SHANK2: variants seen among roughly 807,000 people sequenced by gnomAD.
SHANK2 encodes SH3 and multiple ankyrin repeat domains protein 2.
Under a neutral mutation model 133.7 loss-of-function variants are expected in SHANK2, and 43 were observed. The observed-to-expected ratio is 0.32, with a 90% confidence interval of 0.25 to 0.41. The LOEUF (loss-of-function observed/expected upper bound fraction) is 0.41, where lower values mean the gene tolerates loss of function less well. Among genes scored for constraint, SHANK2 ranks in the 10% least tolerant of loss-of-function variants. The pLI is 1.00. For missense variants in SHANK2, 1,994 were observed against 2,235.8 expected (o/e 0.89, Z 2.18); for synonymous variants, 1,017 against 952.8 (o/e 1.07, Z -1.24).
chr11:70,819,439 C>A (rs1485179197), intron 12 of SHANK2, among the ~76,000 whole-genome samples: 2 of 152,234 alleles, frequency 1.3e-5, no homozygotes, highest in Non-Finnish European at 2.9e-5. Flanking sequence ...GCACCTGGGG[C>A]CCCGACAATG....
Position 71,222,336 on chromosome 11 carries a change from C to T in SHANK2, c.-13+2361G>A, listed in dbSNP as rs143091028. Reference sequence around the variant, plus strand: ...TTCTCTCCTTCCCATTAATCGCAGCCGCCAGGGTTGCAGGGTTGCAGGGCT... The same window carrying T: ...TTCTCTCCTTCCCATTAATCGCAGCTGCCAGGGTTGCAGGGTTGCAGGGCT... On this transcript the variant is annotated intron_variant, in intron 2 of 25. Transcript: ENST00000601538. Among the ~76,000 whole-genome samples, 806 of 152,316 alleles carry T rather than the reference C, an allele frequency of 5.3e-3. 17 individuals carry two copies. The highest frequency in any genetic ancestry group is 0.019 in the African/African-American group (782 of 41,576).
chr11:71,216,741 G>A (rs891538406), intron 2 of SHANK2, among the ~76,000 whole-genome samples: 3 of 152,250 alleles, frequency 2.0e-5, no homozygotes, highest in South Asian at 2.1e-4. Flanking sequence ...TTCCTCACGC[G>A]TCTGTGATGC....
At chr11:71,101,865 C>T (rs139550311) in intron 6 of SHANK2, among the ~76,000 whole-genome samples, 290 of 152,246 alleles carry the variant, frequency 1.9e-3, no homozygotes, top group African/African-American at 6.4e-3. Flanking sequence ...AGTTGGGGGG[C>T]GGCCGAATGG....
At chr11:70,678,043 T>C (rs1451336742) in intron 15 of SHANK2, among the ~76,000 whole-genome samples, 1 of 152,198 alleles carries the variant, frequency 6.6e-6, no homozygotes, top group Admixed American at 6.5e-5. Context: ...TTGCACCAAT[T>C]TTCCCAGGTC....
At chr11:70,570,035 T>C (rs1267744776) in intron 17 of SHANK2, among the ~76,000 whole-genome samples, 1 of 152,178 alleles carries the variant, frequency 6.6e-6, no homozygotes, top group Non-Finnish European at 1.5e-5. Context: ...CTGCACATTA[T>C]TCACCTATGA....
chr11:71,148,253 T>G (rs781811302), intron 2 of SHANK2, among the ~76,000 whole-genome samples: 1 of 152,140 alleles, frequency 6.6e-6, no homozygotes, highest in African/African-American at 2.4e-5. Flanking sequence ...CCCAGCTAAT[T>G]TTGTATCTTT....
intron 17 of SHANK2, among the ~76,000 whole-genome samples, chr11:70,656,386 A>G (rs1183077442): frequency 2.6e-5 from 4 of 151,832 alleles, no homozygotes; most frequent in Non-Finnish European, 5.9e-5. Flanking sequence ...GCATAGAAAG[A>G]AACACCTGCC....
intron 15 of SHANK2, chr11:70,698,054 A>T (rs1945436015): frequency 6.5e-6 from 1 of 153,052 alleles, no homozygotes; most frequent in Admixed American, 6.5e-5. Flanking sequence ...CCCAGCCTCA[A>T]CCTCCCCACA....
At position 70,820,607 on chromosome 11, in the gene SHANK2, A is replaced by G; in HGVS notation, c.1250T>C (p.Leu417Pro). The stretch of plus-strand genomic sequence containing the variant: ...GTTGTTGTCACTGTTGGAGCGCAGC[A>G]GGACCCGGGGGGCGGCCAGCGTGTT... ...PPNTLAAPRV[L>P]LRSNSDNNLN... The change falls in exon 12 of 26, where the codon CTG (leucine) becomes CCG (proline). Residue 417 changes from leucine (L) to proline (P), a missense_variant. By Grantham distance (98) the Leu-to-Pro change is moderately conservative (BLOSUM62 -3). Transcript: ENST00000601538. The G allele has an allele frequency of 1.4e-6, 1 of 715,188 alleles. No individual in the cohort carries two copies. The highest frequency in any genetic ancestry group is 2.6e-6 in the Non-Finnish European group (1 of 383,578). 44.3% of individuals were successfully genotyped at this position (715,188 alleles called of 1,614,324 possible).
At chr11:70,690,458 G>GTATTATCA (rs1316541218) in intron 15 of SHANK2, among the ~76,000 whole-genome samples, 17 of 89,854 alleles carry the variant, frequency 1.9e-4, no homozygotes, top group African/African-American at 7.1e-4. Context: ...AACCCCATTT[G>GTATTATCA]TATTATCATC....
At chr11:70,716,633 C>T (rs115439472) in intron 14 of SHANK2, among the ~76,000 whole-genome samples, 8 of 152,148 alleles carry the variant, frequency 5.3e-5, no homozygotes, top group Non-Finnish European at 1.2e-4. Flanking sequence ...CGCCCCTGGC[C>T]GTGACCTTAG....
rs374132490 is a variant in SHANK2 at position 70,508,360 on chromosome 11, C to T, written c.2062-5429G>A. 9.2e-5 allele frequency among the ~76,000 whole-genome samples: 14 copies of T among 152,358 alleles called. No individual in the cohort carries two copies. In the East Asian group the frequency reaches 1.9e-3, roughly 21 times the overall value. On this transcript the variant is annotated intron_variant, in intron 17 of 25. Coordinates refer to ENST00000601538, the MANE Select transcript of SHANK2 (RefSeq NM_012309.5). ...ATCCCTCCAGCTTCCCCTAAGGCCA[C>T]CATCAGGGCTAAGTCCTGGGGCGGG...
In SHANK2 at chr11:71,127,616, G is replaced by A. The variant is rs560153241; in HGVS notation, c.208-8584C>T. On this transcript the variant is annotated intron_variant, in intron 3 of 25. Coordinates refer to ENST00000601538, the MANE Select transcript of SHANK2 (RefSeq NM_012309.5). Reference sequence around the variant, plus strand: ...CACTGAAGATGCAGGTGATTCTTAAGTATTTTTAACAAAGTATTTTTTAAT... The same window carrying A: ...CACTGAAGATGCAGGTGATTCTTAAATATTTTTAACAAAGTATTTTTTAAT... Among the ~76,000 whole-genome samples, 264 of 152,292 alleles carry A rather than the reference G, an allele frequency of 1.7e-3. 1 individual carries two copies. Among genetic ancestry groups the A allele is most frequent in the African/African-American group, 5.8e-3 (242 of 41,560 alleles).
intron 13 of SHANK2, among the ~76,000 whole-genome samples, chr11:70,803,780 A>G (rs1948103608): frequency 1.3e-5 from 2 of 151,398 alleles, no homozygotes; most frequent in Non-Finnish European, 2.9e-5. Context: ...TGTGCCAGGC[A>G]CAGTGAAGGA....
chr11:70,652,985 T>C (rs1188851365), intron 17 of SHANK2, among the ~76,000 whole-genome samples: 1 of 152,134 alleles, frequency 6.6e-6, no homozygotes, highest in African/African-American at 2.4e-5. Context: ...CCTTTTCTCT[T>C]TTTTTGAGAT....
intron 2 of SHANK2, among the ~76,000 whole-genome samples, chr11:71,189,400 A>C (rs1953744419): frequency 6.6e-6 from 1 of 151,970 alleles, no homozygotes; most frequent in Non-Finnish European, 1.5e-5. Context: ...ATTATTTTTT[A>C]TTCTTTTTCT....
At chr11:70,651,910 T>A (rs1446897449) in intron 17 of SHANK2, among the ~76,000 whole-genome samples, 1 of 152,010 alleles carries the variant, frequency 6.6e-6, no homozygotes, top group Non-Finnish European at 1.5e-5. Context: ...GGGTGGAGAG[T>A]TCCTAGATTG....
intron 17 of SHANK2, among the ~76,000 whole-genome samples, chr11:70,511,669 C>G (rs1412815449): frequency 6.6e-6 from 1 of 152,014 alleles, no homozygotes; most frequent in Non-Finnish European, 1.5e-5. Flanking sequence ...CCAGATAACT[C>G]CAAAAAAAGA....
chr11:71,116,376 A>G (rs1418062008), intron 4 of SHANK2, among the ~76,000 whole-genome samples: 2 of 152,268 alleles, frequency 1.3e-5, no homozygotes, highest in Admixed American at 6.5e-5. Context: ...CCCAACACGT[A>G]TACACTGCAG....
Sources: allele counts gnomAD v4.1 joint callset (sites outside exome capture counted in the v4.1 genomes callset), GRCh38; gene constraint gnomAD v4.1.1; transcripts MANE v1.5; gene names NCBI Gene and HGNC (gene_info 2026-07-23, HGNC 2026-07-21).